Variants in MANBA observed in about 807,000 individuals in gnomAD.
MANBA encodes the protein mannosidase beta.
A neutral mutation model predicts 111.1 loss-of-function variants in MANBA; 83 were observed. The ratio of observed to expected loss-of-function variants is 0.75; its 90% CI spans 0.63 to 0.90. MANBA has a LOEUF of 0.90. MANBA is among the 40% of genes least tolerant of loss of function. The probability of loss-of-function intolerance (pLI) is 0.00; values close to 1 mark genes in which losing one functional copy is unlikely to be tolerated. For missense variants in MANBA, 1,036 were observed against 1,069.0 expected (o/e 0.97, Z 0.43); for synonymous variants, 370 against 378.7 (o/e 0.98, Z 0.27).
At position 102,714,535 on chromosome 4, in the gene MANBA, C is replaced by A; in HGVS notation, c.576G>T (p.Trp192Cys). The A allele has an allele frequency of 6.2e-7, 1 of 1,608,664 alleles. No homozygotes were observed. Among genetic ancestry groups the A allele is most frequent in the Non-Finnish European group, 8.5e-7 (1 of 1,175,096 alleles). The change falls in exon 5 of 17, where the codon TGG becomes TGT. Residue 192 changes from tryptophan to cysteine, a missense_variant. By Grantham distance (215) the Trp-to-Cys change is radical. Coordinates refer to ENST00000647097, the MANE Select transcript of MANBA (RefSeq NM_005908.4). ...RKEQCSFSWD[W>C]GPSFPTQGIW... Reference sequence around the variant, plus strand: ...TTCCCTGGGTAGGAAAGGAAGGCCCCCAGTCCCAACTAAAGGAACATTGCT... The same window carrying A: ...TTCCCTGGGTAGGAAAGGAAGGCCCACAGTCCCAACTAAAGGAACATTGCT...
chr4:102,637,365 C>T (rs924748846), intron 14 of MANBA, among the ~76,000 whole-genome samples: 4 of 152,188 alleles, frequency 2.6e-5, no homozygotes, highest in Non-Finnish European at 5.9e-5. Flanking sequence ...GGTCTCTAAT[C>T]CGATTGTGGG....
At chr4:102,703,076 C>A (rs1733133224) in intron 5 of MANBA, among the ~76,000 whole-genome samples, 1 of 152,086 alleles carries the variant, frequency 6.6e-6, no homozygotes, top group Non-Finnish European at 1.5e-5. Context: ...AAATGCAAAC[C>A]ATTTTTAACA....
rs778265593 is a variant in MANBA, at chr4:102,634,798, G to A, written c.2405C>T (p.Ala802Val). 17 of 1,613,558 alleles carry A rather than the reference G, an allele frequency of 1.1e-5. No homozygotes were observed. Among genetic ancestry groups the A allele is most frequent in the East Asian group, 6.7e-5 (3 of 44,900 alleles). Residue 802 changes from alanine to valine, a missense_variant, in exon 16 of 17, where the codon GCG becomes GTG. By Grantham distance (64) the Ala-to-Val change is moderately conservative. Coordinates refer to ENST00000647097, the MANE Select transcript of MANBA (RefSeq NM_005908.4). Reference sequence around the variant, plus strand: ...ATGACCTGTGCTTACAGTGATCTGCGCCTTGCAGAGCCCCACGGCCTCCTT... The same window carrying A: ...ATGACCTGTGCTTACAGTGATCTGCACCTTGCAGAGCCCCACGGCCTCCTT... ...SPKEAVGLCK[A>V]QITAIISQQG...
rs781133275 is a variant in MANBA at position 102,673,935 on chromosome 4, G to A, written c.1096C>T (p.Arg366Ter). The A allele has an allele frequency of 9.3e-6, 15 of 1,610,780 alleles. No homozygotes were observed. Among genetic ancestry groups the A allele is most frequent in the African/African-American group, 1.3e-5 (1 of 74,834 alleles). ...NWIPADSFQDRVTSELLRLLL... is the reference protein window; with the variant it reads ...NWIPADSFQD ...ATAACTTACAACTCAGAGGTTACTC[G>A]GTCCTGGAATGAATCTGCTGGGATC... The change falls in exon 8 of 17, where the codon CGA becomes TGA. Residue 366 changes from arginine to a stop codon, truncating the protein, a stop_gained. Transcript: ENST00000647097. LOFTEE classifies it high-confidence loss of function.
chr4:102,681,251 T>A (rs978593215), intron 7 of MANBA, among the ~76,000 whole-genome samples: 1 of 152,084 alleles, frequency 6.6e-6, no homozygotes, highest in African/African-American at 2.4e-5. Flanking sequence ...GAGGATAAGG[T>A]AGGAGGATCA....
At chr4:102,671,580 TAAAC>T (rs1487280993) in intron 8 of MANBA, among the ~76,000 whole-genome samples, 182 bp from the exon 9 acceptor site, 1 of 152,080 alleles carries the variant, frequency 6.6e-6, no homozygotes, top group Non-Finnish European at 1.5e-5. Flanking sequence ...ATAAAACAAA[TAAAC>T]AGAAAAAGTA....
At chr4:102,725,816 G>A (rs2110195610) in intron 2 of MANBA, among the ~76,000 whole-genome samples, 1 of 152,226 alleles carries the variant, frequency 6.6e-6, no homozygotes, top group African/African-American at 2.4e-5. Flanking sequence ...AGAACAGACT[G>A]AACACAGGAA....
At chr4:102,759,751 T>C (rs1161857196) in intron 1 of MANBA, among the ~76,000 whole-genome samples, 1 of 152,038 alleles carries the variant, frequency 6.6e-6, no homozygotes, top group Non-Finnish European at 1.5e-5. Flanking sequence ...GGCTATGGAG[T>C]TGAGACCACC....
intron 1 of MANBA, chr4:102,727,493 G>A: frequency 1.3e-6 from 2 of 1,530,670 alleles, no homozygotes; most frequent in South Asian, 2.2e-5. Context: ...TGAGAAATGA[G>A]TCTTCTCACA....
intron 11 of MANBA, among the ~76,000 whole-genome samples, chr4:102,659,639 CA>C (rs1286094659): frequency 3.3e-5 from 5 of 152,136 alleles, no homozygotes; most frequent in Admixed American, 3.3e-4. Context: ...TGTAGTCCAT[CA>C]GATTTCTTTA....
At chr4:102,753,392 A>G (rs1723881313) in intron 1 of MANBA, among the ~76,000 whole-genome samples, 1 of 152,100 alleles carries the variant, frequency 6.6e-6, no homozygotes. Flanking sequence ...ACGTATTTTT[A>G]AAAGAATTTT....
rs967431822 is a variant in MANBA at position 102,674,034 on chromosome 4, T to C, written c.997A>G (p.Ile333Val). 23 of 1,602,064 alleles carry C rather than the reference T, an allele frequency of 1.4e-5. No individual in the cohort carries two copies. In the Admixed American group the frequency reaches 3.0e-4, roughly 21 times the overall value. The change falls in exon 8 of 17, where the codon ATA (isoleucine) becomes GTA (valine). Residue 333 changes from isoleucine (I) to valine (V), a missense_variant. Ile to Val is a conservative substitution (Grantham distance 29). Transcript: ENST00000647097. ...AAACTCAAACCAGGAGACCCTTTTATAGGCTCTTCTATAAGTTCCACTGTC... is the reference window on the plus strand; with the variant it reads ...AAACTCAAACCAGGAGACCCTTTTACAGGCTCTTCTATAAGTTCCACTGTC... ...FRTVELIEEP[I>V]KGSPGLSFYF... is the part of the protein sequence containing the mutation.
At chr4:102,753,852 G>C (rs1190115149) in intron 1 of MANBA, 1 of 379,352 alleles carries the variant, frequency 2.6e-6, no homozygotes, top group Admixed American at 3.3e-5. Flanking sequence ...ACAGGCCGAG[G>C]TGGGCGGATT....
At chr4:102,702,982 C>T (rs1206207387) in intron 5 of MANBA, among the ~76,000 whole-genome samples, 2 of 152,214 alleles carry the variant, frequency 1.3e-5, no homozygotes, top group Non-Finnish European at 2.9e-5. Context: ...GTTTTAATAA[C>T]TACTTTATCC....
chr4:102,674,618 A>T (rs1731647457), intron 7 of MANBA, among the ~76,000 whole-genome samples: 1 of 152,132 alleles, frequency 6.6e-6, no homozygotes, highest in Non-Finnish European at 1.5e-5. Flanking sequence ...TTGACTGGAG[A>T]TGTACATGGT....
chr4:102,736,831 A>C (rs1723233267), intron 1 of MANBA, among the ~76,000 whole-genome samples: 1 of 152,130 alleles, frequency 6.6e-6, no homozygotes, highest in African/African-American at 2.4e-5. Flanking sequence ...AGAATTCAAG[A>C]CCCTTTGAAA....
intron 5 of MANBA, among the ~76,000 whole-genome samples, chr4:102,704,363 G>C (rs1006874095): frequency 6.6e-6 from 1 of 151,954 alleles, no homozygotes; most frequent in African/African-American, 2.4e-5. Context: ...ATTTTTTGTA[G>C]AGACAATGTC....
chr4:102,691,656 C>A (rs1732483551), intron 5 of MANBA, among the ~76,000 whole-genome samples: 1 of 152,030 alleles, frequency 6.6e-6, no homozygotes, highest in Admixed American at 6.6e-5. Context: ...TAGGCATGTG[C>A]CACTCACCTA....
intron 5 of MANBA, among the ~76,000 whole-genome samples, chr4:102,704,991 G>A (rs933978669): frequency 4.6e-5 from 7 of 152,136 alleles, no homozygotes; most frequent in East Asian, 1.9e-4. Flanking sequence ...GCTGACTAGC[G>A]GCATCTGGTA....
Sources: gnomAD v4.1 joint callset for allele counts (sites outside exome capture counted in the v4.1 genomes callset) on GRCh38, gnomAD v4.1.1 for gene constraint, MANE v1.5 for transcripts, NCBI Gene and HGNC (gene_info 2026-07-23, HGNC 2026-07-21) for gene names.